FOXF2: variants seen among roughly 807,000 people sequenced by gnomAD.
The protein encoded by FOXF2 is forkhead box F2.
FOXF2 carries 15 observed loss-of-function variants against 29.1 expected under a neutral mutation model. The observed-to-expected ratio is 0.52, with a 90% CI of 0.35 to 0.79. The LOEUF is 0.79. Among genes scored for constraint, FOXF2 ranks in the 30% least tolerant of loss-of-function variants. The pLI, the probability that FOXF2 is intolerant of heterozygous loss-of-function variation, is 0.01. For synonymous variants in FOXF2, 337 were observed against 316.5 expected (o/e 1.06, Z -0.69); for missense variants, 675 against 667.1 (o/e 1.01, Z -0.13).
At chr6:1,393,320 T>C (rs114365438) in intron 1 of FOXF2, among the ~76,000 whole-genome samples, 2,365 of 152,040 alleles carry the variant, frequency 0.016, 63 homozygotes, top group African/African-American at 0.053. Flanking sequence ...GCTTCTGTCA[T>C]CCCGCTCAGC....
At chr6:1,391,386 G>T (rs1352212524) in intron 1 of FOXF2, among the ~76,000 whole-genome samples, 1 of 152,244 alleles carries the variant, frequency 6.6e-6, no homozygotes, top group Non-Finnish European at 1.5e-5. Flanking sequence ...GCCTTCCTGG[G>T]CTCTTTGGGG....
chr6:1,392,476 A>ACCCC lies in FOXF2; in HGVS notation c.1171+1359_1171+1362dup, dbSNP rs1554124337. ...CACACACACACACACACACACACAC[A>ACCCC]CCCCTCGGTGCACTGGCCCCTTCCC... On this transcript the variant is annotated intron_variant, in intron 1 of 1. Coordinates refer to ENST00000645481, the MANE Select transcript of FOXF2 (RefSeq NM_001452.2). Among the ~76,000 whole-genome samples, 24 of 139,976 alleles carry ACCCC rather than the reference A, an allele frequency of 1.7e-4. No individual in the cohort carries two copies. In the East Asian group the frequency reaches 1.7e-3, roughly 10 times the overall value. 91.8% of individuals were successfully genotyped at this position (139,976 alleles called of 152,430 possible).
Position 1,390,757 on chromosome 6 carries a change from C to T in FOXF2, c.810C>T (p.His270=). ...PSHAHPHHHH[H]HHVPHMSPNP... is the part of the protein sequence containing the mutation. ...ACGCGCACCCTCACCACCACCACCA[C>T]CACCACGTCCCGCACATGTCGCCCA... is the stretch of plus-strand genomic sequence containing the variant. The change falls in exon 1 of 2, where the codon CAC becomes CAT. Residue 270 remains histidine, a synonymous_variant. Coordinates refer to ENST00000645481, the MANE Select transcript of FOXF2 (RefSeq NM_001452.2). The surrounding 1 kb of genome is among the most constrained non-coding windows in gnomAD (Gnocchi z 8.5). 1 of 1,406,326 alleles carries T rather than the reference C, an allele frequency of 7.1e-7. No individual in the cohort carries two copies. The highest frequency in any genetic ancestry group is 9.2e-7 in the Non-Finnish European group (1 of 1,092,106). The allele number at this position is 1,406,326 out of a possible 1,614,324, so 87.1% of individuals were successfully genotyped here.
chr6:1,394,615 A>T, intron 1 of FOXF2, 81 bp from the exon 2 acceptor site: 2 of 1,377,304 alleles, frequency 1.5e-6, no homozygotes, highest in Non-Finnish European at 2.1e-6. Flanking sequence ...CACCTTTTGT[A>T]CTCTGAGGCA....
At chr6:1,391,398 T>C (rs1421196736) in intron 1 of FOXF2, among the ~76,000 whole-genome samples, 1 of 152,212 alleles carries the variant, frequency 6.6e-6, no homozygotes, top group Non-Finnish European at 1.5e-5. Context: ...TCTTTGGGGA[T>C]CCCTGTGCAG....
At chr6:1,391,280 G>A (rs1758784046) in intron 1 of FOXF2, among the ~76,000 whole-genome samples, 162 bp downstream of exon 1, 1 of 152,252 alleles carries the variant, frequency 6.6e-6, no homozygotes, top group East Asian at 1.9e-4. Flanking sequence ...ATTCGTGGGA[G>A]CAGGGATCAG....
Position 1,389,817 on chromosome 6 carries a change from G to A in FOXF2, c.-131G>A. On this transcript the variant is annotated 5_prime_UTR_variant, in exon 1 of 2. Coordinates refer to ENST00000645481, the MANE Select transcript of FOXF2 (RefSeq NM_001452.2). ...GGAGGCGACGCCGAAGCGCTGGCCC[G>A]GAGTGGCCACGGCTGCAGCCCGGGC... 1 of 161,054 alleles carries A rather than the reference G, an allele frequency of 6.2e-6. No individual in the cohort carries two copies. Among genetic ancestry groups the A allele is most frequent in the Non-Finnish European group, 1.3e-5 (1 of 79,156 alleles). 10.0% of individuals were successfully genotyped at this position (161,054 alleles called of 1,614,324 possible).
Position 1,390,043 on chromosome 6 carries a change from C to T in FOXF2, c.96C>T (p.Pro32=). Residue 32 remains proline (P), a synonymous_variant, in exon 1 of 2, where the codon CCC becomes CCT. Transcript: ENST00000645481. The surrounding 1 kb of genome is among the most constrained non-coding windows in gnomAD (Gnocchi z 8.5). ...ALQAALMSPP[P]AAAAAAAAAP... is the part of the protein sequence containing the mutation. ...AGGCCGCCCTGATGAGCCCGCCGCCCGCCGCCGCCGCCGCCGCCGCCGCCG... is the reference window on the plus strand; with the variant it reads ...AGGCCGCCCTGATGAGCCCGCCGCCTGCCGCCGCCGCCGCCGCCGCCGCCG... 4.1e-6 allele frequency: 4 copies of T among 984,310 alleles called. No individual in the cohort carries two copies. The highest frequency in any genetic ancestry group is 3.0e-5 in the South Asian group (1 of 33,776). 61.0% of individuals were successfully genotyped at this position (984,310 alleles called of 1,614,324 possible).
rs779597692 is a variant in FOXF2, at chr6:1,390,535, C to T, written c.588C>T (p.Phe196=). ...CGTTCCGCCGCCGGCCGCGCGGCTT[C>T]AGGCGGAAGTGCCAGGCGCTCAAGC... ...EGSFRRRPRG[F]RRKCQALKPM... Residue 196 remains phenylalanine (F), a synonymous_variant, in exon 1 of 2, where the codon TTC becomes TTT. Coordinates refer to ENST00000645481, the MANE Select transcript of FOXF2 (RefSeq NM_001452.2). This position sits in a 1 kb window ranked among gnomAD's most constrained non-coding sequence, Gnocchi z 8.5. The T allele has an allele frequency of 1.2e-6, 2 of 1,609,044 alleles. No homozygotes were observed. The highest frequency in any genetic ancestry group is 2.2e-5 in the South Asian group (2 of 91,002).
At chr6:1,394,605 C>T (rs770297356) in intron 1 of FOXF2, 91 bp from the exon 2 acceptor site, 6 of 1,236,514 alleles carry the variant, frequency 4.9e-6, no homozygotes, top group Non-Finnish European at 7.1e-6. Flanking sequence ...GGCACAGCAG[C>T]ACCTTTTGTA....
chr6:1,392,434 T>TCACTCA (rs1554124327), intron 1 of FOXF2, among the ~76,000 whole-genome samples: 15,610 of 107,496 alleles, frequency 0.15, 1,156 homozygotes, highest in African/African-American at 0.18. Context: ...CGGCTGTCAA[T>TCACTCA]CACACACACA....
Position 1,389,602 on chromosome 6 carries a change from A to T in FOXF2, c.-346A>T, listed in dbSNP as rs1758727860. The stretch of plus-strand genomic sequence containing the variant: ...GAGCGAGGAGCGCTCCTGAAGGGAG[A>T]CGTCGGGCTCGTCCCCGGGGTCCAG... On this transcript the variant is annotated 5_prime_UTR_variant, in exon 1 of 2. Transcript: ENST00000645481. 1 of 150,476 alleles carries T rather than the reference A, an allele frequency of 6.6e-6. No homozygotes were observed. Among genetic ancestry groups the T allele is most frequent in the South Asian group, 2.1e-4 (1 of 4,832 alleles). 9.3% of individuals were successfully genotyped at this position (150,476 alleles called of 1,614,324 possible). A position where few individuals can be genotyped will look rare whatever the true frequency, so the allele number is the denominator to read the frequency against.
Position 1,392,476 on chromosome 6 carries a change from A to C in FOXF2, c.1171+1358A>C, listed in dbSNP as rs190237987. Among the ~76,000 whole-genome samples the C allele has an allele frequency of 4.2e-3, 584 of 139,954 alleles. 4 individuals are homozygous for C. Among genetic ancestry groups the C allele is most frequent in the East Asian group, 0.024 (110 of 4,582 alleles). 91.8% of individuals were successfully genotyped at this position (139,954 alleles called of 152,430 possible). ...CACACACACACACACACACACACAC[A>C]CCCCTCGGTGCACTGGCCCCTTCCC... On this transcript the variant is annotated intron_variant, in intron 1 of 1. Transcript: ENST00000645481.
In FOXF2 at chr6:1,391,046, C is replaced by T. The variant is rs1581262147; in HGVS notation, c.1099C>T (p.Leu367=). ...PSSNPAASAG[L]HSSMSSYSLE... ...CAGCAACCCCGCCGCCTCGGCAGGC[C>T]TGCACTCCAGCATGTCCTCCTACTC... The change falls in exon 1 of 2, where the codon CTG becomes TTG. Residue 367 remains leucine, a synonymous_variant. Transcript: ENST00000645481. The T allele has an allele frequency of 1.2e-6, 2 of 1,601,968 alleles. No individual in the cohort carries two copies. Among genetic ancestry groups the T allele is most frequent in the Non-Finnish European group, 1.7e-6 (2 of 1,178,832 alleles).
chr6:1,393,934 C>T (rs1474388009), intron 1 of FOXF2, among the ~76,000 whole-genome samples: 1 of 152,186 alleles, frequency 6.6e-6, no homozygotes. Flanking sequence ...GGAGCCGCCC[C>T]GGGAGAGCAG....
Position 1,391,028 on chromosome 6 carries a change from C to T in FOXF2, c.1081C>T (p.Pro361Ser), listed in dbSNP as rs760343821. The T allele has an allele frequency of 7.5e-6, 12 of 1,599,798 alleles. No homozygotes were observed. Among genetic ancestry groups the T allele is most frequent in the Admixed American group, 3.4e-5 (2 of 59,650 alleles). Residue 361 changes from proline to serine, a missense_variant, in exon 1 of 2, where the codon CCC (proline) becomes TCC (serine). Pro to Ser is a moderately conservative substitution (Grantham distance 74). Around this residue, in one of 3 missense-constraint regions of FOXF2, gnomAD observed 451 missense variants for 437.2 expected, o/e 1.03. Coordinates refer to ENST00000645481, the MANE Select transcript of FOXF2 (RefSeq NM_001452.2). The stretch of plus-strand genomic sequence containing the variant: ...GCCTGCCCTGACGCCCAGCAGCAAC[C>T]CCGCCGCCTCGGCAGGCCTGCACTC... Reference protein sequence around the residue: ...QPPALTPSSNPAASAGLHSSM... With the variant: ...QPPALTPSSNSAASAGLHSSM...
intron 1 of FOXF2, among the ~76,000 whole-genome samples, chr6:1,392,954 C>G (rs1282634478): frequency 6.6e-6 from 1 of 152,210 alleles, no homozygotes; most frequent in Non-Finnish European, 1.5e-5. Flanking sequence ...TTGCTCCCGT[C>G]CCTATAGGAT....
rs910289542 is a variant in FOXF2, at chr6:1,394,752, G to A, written c.1228G>A (p.Val410Ile). Residue 410 changes from valine (V) to isoleucine (I), a missense_variant, in exon 2 of 2, where the codon GTC becomes ATC. Val to Ile is a conservative substitution (Grantham distance 29). Around this residue, in one of 3 missense-constraint regions of FOXF2, gnomAD observed 451 missense variants for 437.2 expected, o/e 1.03. Transcript: ENST00000645481. ...STPVCDRKDF[V>I]LNFNGISSFH... ...TCCAGTGTGTGACAGAAAAGATTTC[G>A]TCCTCAACTTCAATGGGATTTCTTC... 5.6e-6 allele frequency: 9 copies of A among 1,613,828 alleles called. No homozygotes were observed. The highest frequency in any genetic ancestry group is 1.6e-4 in the Middle Eastern group (1 of 6,084).
chr6:1,390,970 C>T lies in FOXF2; in HGVS notation c.1023C>T (p.Ser341=), dbSNP rs372143569. Residue 341 remains serine, a synonymous_variant, in exon 1 of 2, where the codon AGC becomes AGT. Transcript: ENST00000645481. The surrounding 1 kb of genome is among the most constrained non-coding windows in gnomAD (Gnocchi z 8.5). ...SPYTSPAAHW[S]SPGASPYLKQ... ...ACACGAGCCCTGCGGCGCACTGGAG[C>T]TCGCCTGGCGCCTCGCCTTACCTCA... 30 of 1,593,750 alleles carry T rather than the reference C, an allele frequency of 1.9e-5. No homozygotes were observed. The highest frequency in any genetic ancestry group is 2.4e-5 in the Non-Finnish European group (28 of 1,177,258).
Sources: gnomAD v4.1 joint callset for allele counts (sites outside exome capture counted in the v4.1 genomes callset) on GRCh38, gnomAD v4.1.1 for gene constraint, gnomAD v4.1.1 regional missense constraint, Gnocchi (gnomAD v3.1) non-coding constraint, MANE v1.5 for transcripts, NCBI Gene and HGNC (gene_info 2026-07-23, HGNC 2026-07-21) for gene names.